The following RNF149 variants were observed in gnomAD, a reference collection of about 807,000 sequenced individuals.
RNF149 encodes E3 ubiquitin-protein ligase RNF149.
A neutral mutation model predicts 39.0 loss-of-function variants in RNF149; 21 were observed. The observed-to-expected ratio is 0.54, with a 90% CI of 0.38 to 0.77. The LOEUF (loss-of-function observed/expected upper bound fraction) is 0.77. RNF149 is among the 30% of genes least tolerant of loss of function. The probability of loss-of-function intolerance (pLI) is 0.00; values close to 1 mark genes in which losing one functional copy is unlikely to be tolerated. For missense variants in RNF149, 493 were observed against 534.9 expected (o/e 0.92, Z 0.77); for synonymous variants, 209 against 213.6 (o/e 0.98, Z 0.19).
intron 1 of RNF149, among the ~76,000 whole-genome samples, chr2:101,298,545 A>G (rs540143838): frequency 2.0e-5 from 3 of 152,206 alleles, no homozygotes; most frequent in Non-Finnish European, 4.4e-5. Flanking sequence ...AAATTACAGT[A>G]TGTGTATGAA....
chr2:101,271,991 T>TATTTTG (rs1381580560), downstream of RNF149, among the ~76,000 whole-genome samples: 1 of 152,228 alleles, frequency 6.6e-6, no homozygotes, highest in Non-Finnish European at 1.5e-5. Context: ...TTTTAAACAG[T>TATTTTG]ATTTTGAATT....
At chr2:101,273,362 G>GT (rs753716860), downstream of RNF149, 3 of 470,778 alleles carry the variant, frequency 6.4e-6, no homozygotes, top group Non-Finnish European at 1.3e-5. Flanking sequence ...TAGGAGGAAG[G>GT]TGATTCATGT....
chr2:101,288,866 C>A (rs1243339995), intron 4 of RNF149, 107 bp downstream of exon 4: 2 of 615,018 alleles, frequency 3.3e-6, no homozygotes, highest in East Asian at 5.9e-5. Context: ...AAGAGATGAT[C>A]ACAAATTACA....
In RNF149 at chr2:101,295,083, C is replaced by T. The variant is rs779459091; in HGVS notation, c.559G>A (p.Val187Ile). The T allele has an allele frequency of 4.3e-6, 7 of 1,614,072 alleles. No individual in the cohort carries two copies. The highest frequency in any genetic ancestry group is 2.7e-5 in the African/African-American group (2 of 74,922). Residue 187 changes from valine to isoleucine, a missense_variant, in exon 2 of 7, where the codon GTT becomes ATT. Val to Ile is a conservative substitution (Grantham distance 29, BLOSUM62 3). Transcript: ENST00000295317. ...AACTCCTGTACATGCCGGGTGCCAA[C>T]CCCTATGGTCATCGTTACTGGAATT... ...KGIPVTMTIG[V>I]GTRHVQEFIS...
Position 101,295,122 on chromosome 2 carries a change from G to C in RNF149, c.520C>G (p.Leu174Val). The C allele has an allele frequency of 6.2e-7, 1 of 1,613,922 alleles. No individual in the cohort carries two copies. The highest frequency in any genetic ancestry group is 8.5e-7 in the Non-Finnish European group (1 of 1,179,842). The stretch of plus-strand genomic sequence containing the variant: ...GTTACTGGAATTCCTTTTTGCACCA[G>C]CTCCAAAATTTCTCTTCCTTTTGGA... ...SYPKGREILE[L>V]VQKGIPVTMT... Residue 174 changes from leucine to valine, a missense_variant, in exon 2 of 7, where the codon CTG (leucine) becomes GTG (valine). Leu to Val is a conservative substitution (Grantham distance 32). Coordinates refer to ENST00000295317, the MANE Select transcript of RNF149 (RefSeq NM_173647.4).
intron 6 of RNF149, among the ~76,000 whole-genome samples, chr2:101,279,187 G>C (rs958285298): frequency 2.0e-5 from 3 of 152,238 alleles, no homozygotes; most frequent in African/African-American, 7.2e-5. Flanking sequence ...CCCATACGGG[G>C]TGGGGTGGGG....
Position 101,308,285 on chromosome 2 carries a change from C to G in RNF149, c.304G>C (p.Gly102Arg), listed in dbSNP as rs749531598. 1 of 1,576,434 alleles carries G rather than the reference C, an allele frequency of 6.3e-7. No individual in the cohort carries two copies. The highest frequency in any genetic ancestry group is 1.8e-5 in the Admixed American group (1 of 54,702). ...PDTRFFVPEP[G>R]GRGAAPWVAL... ...ACCCAGGGCGCGGCCCCTCGGCCGCCGGGCTCGGGCACGAAGAAGCGCGTG... is the reference window on the plus strand; with the variant it reads ...ACCCAGGGCGCGGCCCCTCGGCCGCGGGGCTCGGGCACGAAGAAGCGCGTG... The change falls in exon 1 of 7, where the codon GGC becomes CGC. Residue 102 changes from glycine to arginine, a missense_variant. Gly to Arg is a moderately radical substitution (Grantham distance 125). Coordinates refer to ENST00000295317, the MANE Select transcript of RNF149 (RefSeq NM_173647.4).
chr2:101,281,825 C>T, intron 6 of RNF149, 34 bp downstream of exon 6: 1 of 1,611,272 alleles, frequency 6.2e-7, no homozygotes, highest in Non-Finnish European at 8.5e-7. Context: ...CTCCTGGCCA[C>T]ATTCTATTGT....
intron 6 of RNF149, among the ~76,000 whole-genome samples, chr2:101,279,933 T>C (rs1197641749): frequency 6.6e-6 from 1 of 152,200 alleles, no homozygotes; most frequent in Non-Finnish European, 1.5e-5. Context: ...GTGAATCCAA[T>C]TCCAATAAAA....
rs139038903 is a variant in RNF149, at chr2:101,298,373, T to A, written c.461-3192A>T. Among the ~76,000 whole-genome samples, 716 of 152,166 alleles carry A rather than the reference T, an allele frequency of 4.7e-3. 9 individuals are homozygous for A. The highest frequency in any genetic ancestry group is 0.017 in the African/African-American group (689 of 41,510). ...CTAGGAGGCAGAGGTTGCAGTGAGCTGAGATCACGCTACTGTACTCCAGCC... is the reference window on the plus strand; with the variant it reads ...CTAGGAGGCAGAGGTTGCAGTGAGCAGAGATCACGCTACTGTACTCCAGCC... On this transcript the variant is annotated intron_variant, in intron 1 of 6. Coordinates refer to ENST00000295317, the MANE Select transcript of RNF149 (RefSeq NM_173647.4).
At chr2:101,286,413 C>G in intron 4 of RNF149, 1 of 349,420 alleles carries the variant, frequency 2.9e-6, no homozygotes, top group Non-Finnish European at 5.2e-6. Flanking sequence ...TATGCTCTCA[C>G]GCTAGGTTGT....
intron 1 of RNF149, among the ~76,000 whole-genome samples, chr2:101,306,753 T>A (rs191621224): frequency 6.6e-6 from 1 of 152,338 alleles, no homozygotes; most frequent in Admixed American, 6.5e-5. Flanking sequence ...TAACAGTCCT[T>A]ACTTCTTCTC....
At chr2:101,272,984 C>T (rs1481239545), downstream of RNF149, 3 of 1,352,344 alleles carry the variant, frequency 2.2e-6, no homozygotes, top group Non-Finnish European at 2.9e-6. Flanking sequence ...TCATCGTGTG[C>T]CCATGGAGAG....
At position 101,289,023 on chromosome 2, in the gene RNF149, C is replaced by A; in HGVS notation, c.813G>T (p.Val271=). The stretch of plus-strand genomic sequence containing the variant: ...CCTTTACTTTGAAATTTTCAATACA[C>A]ACTGCACAATTTTCAGCATCAACAT... The part of the protein sequence containing the change: ...GIDVDAENCA[V]CIENFKVKDI... Residue 271 remains valine, a synonymous_variant, in exon 4 of 7, where the codon GTG becomes GTT. Transcript: ENST00000295317. The A allele has an allele frequency of 6.3e-6, 10 of 1,595,680 alleles. No individual in the cohort carries two copies. Among genetic ancestry groups the A allele is most frequent in the Non-Finnish European group, 8.6e-6 (10 of 1,164,556 alleles).
At chr2:101,280,386 T>C (rs1160443079) in intron 6 of RNF149, among the ~76,000 whole-genome samples, 2 of 152,144 alleles carry the variant, frequency 1.3e-5, no homozygotes, top group East Asian at 3.8e-4. Context: ...ACAGATTAGT[T>C]AAATCTCCCC....
Position 101,308,403 on chromosome 2 carries a change from G to T in RNF149, c.186C>A (p.Gly62=). 1 of 1,610,608 alleles carries T rather than the reference G, an allele frequency of 6.2e-7. No individual in the cohort carries two copies. The part of the protein sequence containing the change: ...NLTVWSVSES[G]RFGDSSPKEG... ...CCTTGGGCGAGCTGTCGCCGAAGCG[G>T]CCACTCTCCGAGACGCTCCACACCG... The change falls in exon 1 of 7, where the codon GGC becomes GGA. Residue 62 remains glycine (G), a synonymous_variant. Coordinates refer to ENST00000295317, the MANE Select transcript of RNF149 (RefSeq NM_173647.4).
At chr2:101,302,667 G>A (rs1349967437) in intron 1 of RNF149, among the ~76,000 whole-genome samples, 1 of 151,938 alleles carries the variant, frequency 6.6e-6, no homozygotes, top group East Asian at 1.9e-4. Flanking sequence ...CTTCCCCATC[G>A]ACTTTAACTT....
At chr2:101,280,690 A>G (rs1682550162) in intron 6 of RNF149, among the ~76,000 whole-genome samples, 1 of 152,206 alleles carries the variant, frequency 6.6e-6, no homozygotes, top group Non-Finnish European at 1.5e-5. Flanking sequence ...AGTATTTTCA[A>G]TGTATAAAAA....
chr2:101,306,003 A>G (rs942273878), intron 1 of RNF149, among the ~76,000 whole-genome samples: 15 of 152,192 alleles, frequency 9.9e-5, no homozygotes, highest in Non-Finnish European at 1.8e-4. Context: ...TTCTCTCACT[A>G]AAAAGGCTAG....
Sources: allele counts gnomAD v4.1 joint callset (sites outside exome capture counted in the v4.1 genomes callset), GRCh38; gene constraint gnomAD v4.1.1; transcripts MANE v1.5; gene names NCBI Gene and HGNC (gene_info 2026-07-23, HGNC 2026-07-21).